SMG8: variants seen among roughly 807,000 people sequenced by gnomAD.
SMG8 encodes SMG8 nonsense mediated mRNA decay factor.
A neutral mutation model predicts 82.1 loss-of-function variants in SMG8; 49 were observed. That is an observed-to-expected ratio of 0.60 (90% CI 0.47 to 0.76). The LOEUF is 0.76. Among genes scored for constraint, SMG8 ranks in the 30% least tolerant of loss-of-function variants. SMG8 has a pLI of 0.00. For missense variants in SMG8, 969 were observed against 1,166.4 expected, an observed-to-expected ratio of 0.83 and a Z score of 2.46; for synonymous variants, 404 against 430.0, an observed-to-expected ratio of 0.94 and a Z score of 0.75.
rs375219524 is a variant in SMG8 at position 59,214,933 on chromosome 17, C to A, written c.2907C>A (p.Pro969=). 1.1e-6 allele frequency: 1 copy of A among 872,894 alleles called. No individual in the cohort carries two copies. Among genetic ancestry groups the A allele is most frequent in the Non-Finnish European group, 2.0e-6 (1 of 501,672 alleles). 54.1% of individuals were successfully genotyped at this position (872,894 alleles called of 1,614,324 possible). A position where few individuals can be genotyped will look rare whatever the true frequency, so the allele number is the denominator to read the frequency against. The change falls in exon 4 of 4, where the codon CCC becomes CCA. Residue 969 remains proline (P), a synonymous_variant. Coordinates refer to ENST00000300917, the MANE Select transcript of SMG8 (RefSeq NM_018149.7). ...TGACTGAGAGAGGACCTTGTTTCCCCCCTAAGGAAAATGTGCAGTTAATGA... is the reference window on the plus strand; with the variant it reads ...TGACTGAGAGAGGACCTTGTTTCCCACCTAAGGAAAATGTGCAGTTAATGA... ...AYVTERGPCF[P]PKENVQLMSY...
In SMG8 at chr17:59,210,417, C is replaced by T. The variant is rs1864630842; in HGVS notation, c.366C>T (p.Val122=). The change falls in exon 1 of 4, where the codon GTC becomes GTT. Residue 122 remains valine (V), a synonymous_variant. Transcript: ENST00000300917. The stretch of plus-strand genomic sequence containing the variant: ...GTTCAGTTCGGGGAAGTGGAGCTGT[C>T]GCGGAAGGTAACCGAACTGAGGCAG... The part of the protein sequence containing the change: ...AGGSVRGSGA[V]AEGNRTEAGS... 6.2e-7 allele frequency: 1 copy of T among 1,610,664 alleles called. No homozygotes were observed. The highest frequency in any genetic ancestry group is 1.7e-5 in the Admixed American group (1 of 59,164).
Position 59,214,305 on chromosome 17 carries a change from T to C in SMG8, c.2779-500T>C, listed in dbSNP as rs901668533. Among the ~76,000 whole-genome samples the C allele has an allele frequency of 3.2e-4, 48 of 152,222 alleles. 1 individual carries two copies. Among genetic ancestry groups the C allele is most frequent in the African/African-American group, 1.1e-3 (47 of 41,546 alleles). ...CCATTCCCCCTGCAAAAAAAAAAGTTCTGGGGAAAAGCAGAATAATATTTG... is the reference window on the plus strand; with the variant it reads ...CCATTCCCCCTGCAAAAAAAAAAGTCCTGGGGAAAAGCAGAATAATATTTG... On this transcript the variant is annotated intron_variant, in intron 3 of 3. Coordinates refer to ENST00000300917, the MANE Select transcript of SMG8 (RefSeq NM_018149.7).
rs141411025 is a variant in SMG8 at position 59,214,934 on chromosome 17, C to A, written c.2908C>A (p.Pro970Thr). Residue 970 changes from proline (P) to threonine (T), a missense_variant, in exon 4 of 4, where the codon CCT becomes ACT. Pro to Thr is a conservative substitution (Grantham distance 38). Around this residue, in one of 3 missense-constraint regions of SMG8, gnomAD observed 101 missense variants for 91.1 expected, o/e 1.11. Coordinates refer to ENST00000300917, the MANE Select transcript of SMG8 (RefSeq NM_018149.7). ...GACTGAGAGAGGACCTTGTTTCCCC[C>A]CTAAGGAAAATGTGCAGTTAATGAG... is the stretch of plus-strand genomic sequence containing the variant. ...YVTERGPCFPPKENVQLMSYK... is the reference protein window; with the variant it reads ...YVTERGPCFPTKENVQLMSYK... 9.2e-6 allele frequency: 8 copies of A among 872,906 alleles called. No individual in the cohort carries two copies. Among genetic ancestry groups the A allele is most frequent in the South Asian group, 1.3e-5 (1 of 76,534 alleles). The allele number at this position is 872,906 out of a possible 1,614,324, so 54.1% of individuals were successfully genotyped here.
intron 1 of SMG8, chr17:59,212,076 T>G (rs2046948172): frequency 2.3e-6 from 1 of 428,940 alleles, no homozygotes; most frequent in African/African-American, 2.0e-5. Flanking sequence ...ACATCTCATA[T>G]TAACACTTTG....
In SMG8 at chr17:59,210,145, G is replaced by GGGAGCGCGGCTGGCGGACC. The variant is rs1267270075; in HGVS notation, c.100_118dup (p.Pro40ArgfsTer13). 6.3e-7 allele frequency: 1 copy of GGGAGCGCGGCTGGCGGACC among 1,587,964 alleles called. No homozygotes were observed. The highest frequency in any genetic ancestry group is 8.6e-7 in the Non-Finnish European group (1 of 1,167,854). On this transcript the variant is annotated frameshift_variant, in exon 1 of 4. Coordinates refer to ENST00000300917, the MANE Select transcript of SMG8 (RefSeq NM_018149.7). LOFTEE classifies it high-confidence loss of function. ...CGGAGGGTCCCCTACTGAGGGCGGA[G>GGGAGCGCGGCTGGCGGACC]GGAGCGCGGCTGGCGGACCGGAGCC...
Position 59,215,027 on chromosome 17 carries a change from A to G in SMG8, c.*25A>G. 1 of 862,152 alleles carries G rather than the reference A, an allele frequency of 1.2e-6. No individual in the cohort carries two copies. The highest frequency in any genetic ancestry group is 2.0e-6 in the Non-Finnish European group (1 of 494,306). 53.4% of individuals were successfully genotyped at this position (862,152 alleles called of 1,614,324 possible). A position where few individuals can be genotyped will look rare whatever the true frequency, so the allele number is the denominator to read the frequency against. On this transcript the variant is annotated 3_prime_UTR_variant, in exon 4 of 4. Transcript: ENST00000300917. ...AGTGTTTTCCAGCCAGTTCAATCCTATACTTGAGCTGGTTTTTGTTTTTGG... is the reference window on the plus strand; with the variant it reads ...AGTGTTTTCCAGCCAGTTCAATCCTGTACTTGAGCTGGTTTTTGTTTTTGG...
chr17:59,211,624 A>G lies in SMG8; in HGVS notation c.1573A>G (p.Lys525Glu). 1.2e-6 allele frequency: 2 copies of G among 1,614,064 alleles called. No individual in the cohort carries two copies. The highest frequency in any genetic ancestry group is 1.7e-6 in the Non-Finnish European group (2 of 1,180,012). ...LPHNYTMTVH[K>E]NQLAQALRVY... Reference sequence around the variant, plus strand: ...TCATAATTACACAATGACTGTCCATAAGAATCAGCTTGCCCAGGCTCTTCG... The same window carrying G: ...TCATAATTACACAATGACTGTCCATGAGAATCAGCTTGCCCAGGCTCTTCG... Residue 525 changes from lysine (K) to glutamate (E), a missense_variant, in exon 1 of 4, where the codon AAG (lysine) becomes GAG (glutamate). Lys to Glu is a moderately conservative substitution (Grantham distance 56). Around this residue, in one of 3 missense-constraint regions of SMG8, gnomAD observed 662 missense variants for 884.8 expected, o/e 0.75. Transcript: ENST00000300917.
Position 59,212,750 on chromosome 17 carries a change from G to A in SMG8, c.1927G>A (p.Gly643Arg). ...ATAGCTTCTGGAAGAAAAGTGTTGT[G>A]GAAAATTGGATCATATCAATTTCCC... ...FYQLLEEKCC[G>R]KLDHINFPVF... is the part of the protein sequence containing the mutation. Residue 643 changes from glycine to arginine, a missense_variant, in exon 3 of 4, where the codon GGA becomes AGA. Physicochemically the swap from Gly to Arg is moderately radical, Grantham distance 125 (BLOSUM62 -2). Coordinates refer to ENST00000300917, the MANE Select transcript of SMG8 (RefSeq NM_018149.7). The A allele has an allele frequency of 6.2e-7, 1 of 1,603,686 alleles. No individual in the cohort carries two copies. Among genetic ancestry groups the A allele is most frequent in the Non-Finnish European group, 8.5e-7 (1 of 1,177,382 alleles).
chr17:59,212,651 C>A (rs878993003), intron 2 of SMG8, 78 bp from the exon 3 acceptor site: 1 of 1,492,360 alleles, frequency 6.7e-7, no homozygotes, highest in South Asian at 1.4e-5. Context: ...ACTTACACAT[C>A]AATTATTGAT....
rs113212032 is a variant in SMG8, at chr17:59,210,043, C to G, written c.-9C>G. ...CGGACCGGAAGGACTCTAGAGAACG[C>G]TCTGCACTATGGCTGGTCCCGTGAG... On this transcript the variant is annotated 5_prime_UTR_variant, in exon 1 of 4. Coordinates refer to ENST00000300917, the MANE Select transcript of SMG8 (RefSeq NM_018149.7). 5.2e-6 allele frequency: 8 copies of G among 1,530,376 alleles called. No homozygotes were observed. In the African/African-American group the frequency reaches 7.0e-5, roughly 13 times the overall value. 94.8% of individuals were successfully genotyped at this position (1,530,376 alleles called of 1,614,324 possible).
chr17:59,214,934 C>G lies in SMG8; in HGVS notation c.2908C>G (p.Pro970Ala), dbSNP rs141411025. 5.7e-5 allele frequency: 50 copies of G among 872,906 alleles called. No individual in the cohort carries two copies. The highest frequency in any genetic ancestry group is 2.2e-4 in the Middle Eastern group (1 of 4,612). 54.1% of individuals were successfully genotyped at this position (872,906 alleles called of 1,614,324 possible). Residue 970 changes from proline (P) to alanine (A), a missense_variant, in exon 4 of 4, where the codon CCT (proline) becomes GCT (alanine). Transcript: ENST00000300917. Reference sequence around the variant, plus strand: ...GACTGAGAGAGGACCTTGTTTCCCCCCTAAGGAAAATGTGCAGTTAATGAG... The same window carrying G: ...GACTGAGAGAGGACCTTGTTTCCCCGCTAAGGAAAATGTGCAGTTAATGAG... ...YVTERGPCFP[P>A]KENVQLMSYK...
rs137980220 is a variant in SMG8, at chr17:59,213,491, T to A, written c.2668T>A (p.Tyr890Asn). The change falls in exon 3 of 4, where the codon TAT becomes AAT. Residue 890 changes from tyrosine (Y) to asparagine (N), a missense_variant. Tyr to Asn is a moderately radical substitution (Grantham distance 143, BLOSUM62 -2). Around this residue, in one of 3 missense-constraint regions of SMG8, gnomAD observed 101 missense variants for 91.1 expected, o/e 1.11. Coordinates refer to ENST00000300917, the MANE Select transcript of SMG8 (RefSeq NM_018149.7). ...LKALNSDMPL[Y>N]ILSSSQGRGL... ...AGCCCTAAATAGTGACATGCCCTTATATATTCTGTCATCCTCTCAAGGTAG... is the reference window on the plus strand; with the variant it reads ...AGCCCTAAATAGTGACATGCCCTTAAATATTCTGTCATCCTCTCAAGGTAG... 1.2e-6 allele frequency: 2 copies of A among 1,614,208 alleles called. No homozygotes were observed. Among genetic ancestry groups the A allele is most frequent in the South Asian group, 1.1e-5 (1 of 91,086 alleles).
intron 2 of SMG8, 110 bp from the exon 3 acceptor site, chr17:59,212,619 A>T: frequency 6.8e-7 from 1 of 1,463,016 alleles, no homozygotes; most frequent in Non-Finnish European, 9.2e-7. Flanking sequence ...AACAGGAGCA[A>T]ATTCTTTATG....
intron 1 of SMG8, 189 bp from the exon 2 acceptor site, chr17:59,212,152 G>A (rs1463704563): frequency 2.7e-5 from 12 of 452,682 alleles, no homozygotes; most frequent in Non-Finnish European, 3.8e-6. Context: ...AATGGTAGCA[G>A]GAGGAAAAAT....
chr17:59,213,603 TAAG>T lies in SMG8; in HGVS notation c.2778+5_2778+7del. ...TTGCAGATAATACTAATGCCTCAGG[TAAG>T]AAATATAACCCTCTGCAGCCCCAAA... On this transcript the variant is annotated splice_donor_5th_base_variant and intron_variant, in intron 3 of 3. Transcript: ENST00000300917. 1 of 1,594,174 alleles carries T rather than the reference TAAG, an allele frequency of 6.3e-7. No homozygotes were observed. Among genetic ancestry groups the T allele is most frequent in the Non-Finnish European group, 8.5e-7 (1 of 1,172,914 alleles).
intron 3 of SMG8, 78 bp downstream of exon 3, chr17:59,213,679 A>AGTGAGCCTCAAAACTAATTATTTCAGGC: frequency 6.7e-7 from 1 of 1,497,054 alleles, no homozygotes; most frequent in Non-Finnish European, 8.9e-7. Flanking sequence ...AAAAAGTACA[A>AGTGAGCCTCAAAACTAATTATTTCAGGC]GTTAGCCTCA....
At chr17:59,213,749 G>C in intron 3 of SMG8, 148 bp downstream of exon 3, 1 of 1,042,894 alleles carries the variant, frequency 9.6e-7, no homozygotes, top group Non-Finnish European at 1.4e-6. Flanking sequence ...AACTTTGGGA[G>C]GCCAAGGTGG....
Position 59,212,721 on chromosome 17 carries a change from C to G in SMG8, c.1906-8C>G. 1 of 1,588,860 alleles carries G rather than the reference C, an allele frequency of 6.3e-7. No homozygotes were observed. Among genetic ancestry groups the G allele is most frequent in the Non-Finnish European group, 8.5e-7 (1 of 1,172,414 alleles). On this transcript the variant is annotated splice_polypyrimidine_tract_variant and splice_region_variant and intron_variant, in intron 2 of 3. Coordinates refer to ENST00000300917, the MANE Select transcript of SMG8 (RefSeq NM_018149.7). ...AACTTACTGGATTTTTTTTCTTACC[C>G]TCTATAGCTTCTGGAAGAAAAGTGT... is the stretch of plus-strand genomic sequence containing the variant.
intron 3 of SMG8, 32 bp downstream of exon 3, chr17:59,213,633 A>C: frequency 1.3e-6 from 2 of 1,548,472 alleles, no homozygotes; most frequent in Non-Finnish European, 1.7e-6. Flanking sequence ...AGCCCCAAAC[A>C]AGTAAAAAAT....
Sources: gnomAD v4.1 joint callset for allele counts (sites outside exome capture counted in the v4.1 genomes callset) on GRCh38, gnomAD v4.1.1 for gene constraint, gnomAD v4.1.1 regional missense constraint, MANE v1.5 for transcripts, NCBI Gene and HGNC (gene_info 2026-07-23, HGNC 2026-07-21) for gene names.